TAFA5: variants seen among roughly 807,000 people sequenced by gnomAD.
The protein encoded by TAFA5 is chemokine-like protein TAFA-5.
A neutral mutation model predicts 15.3 loss-of-function variants in TAFA5; 6 were observed. The observed-to-expected ratio is 0.39, with a 90% CI of 0.21 to 0.77. The LOEUF is 0.77. Ranked by LOEUF, TAFA5 falls within the 30% of genes least tolerant of loss-of-function variation. The probability of loss-of-function intolerance (pLI) is 0.41; values close to 1 mark genes in which losing one functional copy is unlikely to be tolerated. For missense variants in TAFA5, 161 were observed against 193.1 expected (o/e 0.83, Z 0.98); for synonymous variants, 103 against 80.7 (o/e 1.28, Z -1.48).
chr22:48,633,539 C>CTCTCTCTCTCTCTCTCT lies in TAFA5; in HGVS notation c.113-13058_113-13057insTCTCTCTCTCTCTCTCT, dbSNP rs1569056626. Among the ~76,000 whole-genome samples the CTCTCTCTCTCTCTCTCT allele has an allele frequency of 2.2e-3, 278 of 128,778 alleles. 6 individuals are homozygous for CTCTCTCTCTCTCTCTCT. In the East Asian group the frequency reaches 0.034, roughly 16 times the overall value. 84.5% of individuals were successfully genotyped at this position (128,778 alleles called of 152,430 possible). On this transcript the variant is annotated intron_variant, in intron 1 of 3. Coordinates refer to ENST00000402357, the MANE Select transcript of TAFA5 (RefSeq NM_001082967.3). ...CTGTCTGTCTGTCTGTCTGTCTCTCCCTCTCTCTCTCTCTCTCTCCATCTC... is the reference window on the plus strand; with the variant it reads ...CTGTCTGTCTGTCTGTCTGTCTCTCCTCTCTCTCTCTCTCTCTCTCTCTCTCTCTCTCTCTCCATCTC...
chr22:48,536,935 G>C (rs866486911), intron 1 of TAFA5, among the ~76,000 whole-genome samples: 1 of 152,216 alleles, frequency 6.6e-6, no homozygotes, highest in African/African-American at 2.4e-5. Context: ...CTGGGCTGCA[G>C]CTGGCTGAGT....
intron 3 of TAFA5, among the ~76,000 whole-genome samples, chr22:48,724,167 A>G (rs997296678): frequency 5.9e-5 from 9 of 152,048 alleles, no homozygotes; most frequent in African/African-American, 2.2e-4. Flanking sequence ...TGCTGCAAGC[A>G]GGAGAGACTC....
chr22:48,562,991 C>T (rs993930008), intron 1 of TAFA5, among the ~76,000 whole-genome samples: 2 of 152,232 alleles, frequency 1.3e-5, no homozygotes, highest in African/African-American at 4.8e-5. Context: ...CAGGCTGGTG[C>T]CTTGGCATCT....
chr22:48,688,563 C>T (rs2147236030), intron 2 of TAFA5, among the ~76,000 whole-genome samples: 1 of 152,338 alleles, frequency 6.6e-6, no homozygotes, highest in Admixed American at 6.5e-5. Flanking sequence ...CCTCTTAACT[C>T]CCCCTGGCTG....
intron 3 of TAFA5, among the ~76,000 whole-genome samples, chr22:48,720,839 A>G (rs130171): frequency 0.4 from 60,549 of 152,060 alleles, 13,012 homozygotes; most frequent in Non-Finnish European, 0.48. Flanking sequence ...CTCTGCTCAC[A>G]GTGCAGACCA....
chr22:48,529,764 G>GATCA (rs1921911081), intron 1 of TAFA5, among the ~76,000 whole-genome samples: 1 of 152,050 alleles, frequency 6.6e-6, no homozygotes, highest in South Asian at 2.1e-4. Flanking sequence ...CAGGATGATG[G>GATCA]GTTGGGTGTG....
intron 1 of TAFA5, among the ~76,000 whole-genome samples, chr22:48,562,945 TG>T (rs924231686): frequency 5.3e-5 from 8 of 152,184 alleles, no homozygotes; most frequent in Admixed American, 4.6e-4. Context: ...GCGGAGGCCC[TG>T]GGGGGTGATG....
chr22:48,702,134 T>G (rs1435504626), intron 2 of TAFA5, among the ~76,000 whole-genome samples: 3 of 151,490 alleles, frequency 2.0e-5, no homozygotes, highest in Admixed American at 1.3e-4. Context: ...TGTGAGTGTG[T>G]GTGTGTGCGT....
At chr22:48,597,895 C>A (rs1380905109) in intron 1 of TAFA5, among the ~76,000 whole-genome samples, 1 of 152,188 alleles carries the variant, frequency 6.6e-6, no homozygotes, top group Non-Finnish European at 1.5e-5. Context: ...TGGACCAACG[C>A]ACGGGCCGAT....
rs189742816 is a variant in TAFA5, at chr22:48,605,715, T to C, written c.113-40882T>C. On this transcript the variant is annotated intron_variant, in intron 1 of 3. Coordinates refer to ENST00000402357, the MANE Select transcript of TAFA5 (RefSeq NM_001082967.3). ...ATTTGAACTTCAACTTGAGCCTGAT[T>C]GATTCTAAAATTGGGGCTTTGCCCC... Among the ~76,000 whole-genome samples, 5 of 152,270 alleles carry C rather than the reference T, an allele frequency of 3.3e-5. No individual in the cohort carries two copies. In the East Asian group the frequency reaches 9.6e-4, roughly 29 times the overall value.
At chr22:48,614,862 G>A (rs1013671301) in intron 1 of TAFA5, among the ~76,000 whole-genome samples, 1 of 152,146 alleles carries the variant, frequency 6.6e-6, no homozygotes, top group African/African-American at 2.4e-5. Flanking sequence ...ACTGGGGCTG[G>A]CCAGCTGGAG....
intron 3 of TAFA5, among the ~76,000 whole-genome samples, 169 bp downstream of exon 3, chr22:48,708,013 TCC>T: frequency 6.6e-5 from 1 of 15,074 alleles, no homozygotes; most frequent in African/African-American, 2.3e-4. Flanking sequence ...GGTGCTAAAT[TCC>T]TGACCATCTG....
At chr22:48,691,675 T>TC (rs1280254082) in intron 2 of TAFA5, among the ~76,000 whole-genome samples, 1 of 152,198 alleles carries the variant, frequency 6.6e-6, no homozygotes, top group Non-Finnish European at 1.5e-5. Context: ...CCTCTGCTTT[T>TC]CCCCACCTGT....
chr22:48,506,722 G>A (rs569821258), intron 1 of TAFA5, among the ~76,000 whole-genome samples: 1 of 152,204 alleles, frequency 6.6e-6, no homozygotes, highest in Non-Finnish European at 1.5e-5. Flanking sequence ...AGGGCACACG[G>A]CAAATGGACC....
At chr22:48,640,279 G>A (rs763674130) in intron 1 of TAFA5, among the ~76,000 whole-genome samples, 19 of 152,128 alleles carry the variant, frequency 1.2e-4, no homozygotes, top group Non-Finnish European at 2.2e-4. Context: ...AGGGTCCCAC[G>A]CTGCGTGGGA....
rs55818756 is a variant in TAFA5 at position 48,566,067 on chromosome 22, T to C, written c.112+76363T>C. ...GAGCTGATGATGGATGGATGATGGA[T>C]GGATGGATGGATGATGGATGAATGA... On this transcript the variant is annotated intron_variant, in intron 1 of 3. Transcript: ENST00000402357. This position sits in a 1 kb window ranked among gnomAD's most constrained non-coding sequence, Gnocchi z 4.5. Among the ~76,000 whole-genome samples, 57,510 of 151,328 alleles carry C rather than the reference T, an allele frequency of 0.38. 11,322 individuals carry two copies. The highest frequency in any genetic ancestry group is 0.5 in the East Asian group (2,557 of 5,092).
intron 1 of TAFA5, among the ~76,000 whole-genome samples, chr22:48,533,756 C>T (rs1395668010): frequency 1.4e-5 from 2 of 143,712 alleles, no homozygotes; most frequent in South Asian, 2.3e-4. Flanking sequence ...AGGACATTTT[C>T]ACATTTCCCC....
At chr22:48,658,421 C>T (rs1016899770) in intron 2 of TAFA5, among the ~76,000 whole-genome samples, 1 of 152,230 alleles carries the variant, frequency 6.6e-6, no homozygotes, top group Non-Finnish European at 1.5e-5. Context: ...TCCGCAGCTC[C>T]CTGCCTCTCT....
At chr22:48,651,125 C>G (rs1927039496) in intron 2 of TAFA5, among the ~76,000 whole-genome samples, 2 of 152,240 alleles carry the variant, frequency 1.3e-5, no homozygotes, top group Admixed American at 1.3e-4. Context: ...TCCTGAAACT[C>G]CTTTCCCAGG....
Sources: gnomAD v4.1 joint callset for allele counts (sites outside exome capture counted in the v4.1 genomes callset) on GRCh38, gnomAD v4.1.1 for gene constraint, Gnocchi (gnomAD v3.1) non-coding constraint, MANE v1.5 for transcripts, NCBI Gene and HGNC (gene_info 2026-07-23, HGNC 2026-07-21) for gene names.